The following ABCA1 variants were observed in gnomAD, a reference collection of about 807,000 sequenced individuals.
The protein encoded by ABCA1 is ATP binding cassette subfamily A member 1.
In ABCA1, 133 loss-of-function variants were observed where a neutral mutation model predicts 262.5. The observed-to-expected ratio is 0.51, with a 90% CI of 0.44 to 0.59. The LOEUF is 0.59. Ranked by LOEUF, ABCA1 falls within the 20% of genes least tolerant of loss-of-function variation. The pLI is 0.00. For synonymous variants in ABCA1, 1,022 were observed against 1,043.5 expected, an observed-to-expected ratio of 0.98 and a Z score of 0.40; for missense variants, 2,452 against 2,777.5, an observed-to-expected ratio of 0.88 and a Z score of 2.63.
chr9:104,895,905 C>T (rs1309016599), intron 2 of ABCA1, among the ~76,000 whole-genome samples: 1 of 152,110 alleles, frequency 6.6e-6, no homozygotes, highest in African/African-American at 2.4e-5. Context: ...AGAAAACTAG[C>T]AGAATAAAAT....
intron 47 of ABCA1, 76 bp downstream of exon 47, chr9:104,786,797 T>G: frequency 7.6e-7 from 1 of 1,324,362 alleles, no homozygotes; most frequent in Admixed American, 1.7e-5. Flanking sequence ...TTTTCTAATT[T>G]TTACAAAATG....
intron 1 of ABCA1, among the ~76,000 whole-genome samples, chr9:104,907,297 C>G (rs981011081): frequency 1.3e-5 from 2 of 152,188 alleles, no homozygotes; most frequent in Admixed American, 1.3e-4. Context: ...TCTTCAATGT[C>G]CTTTCCTGAT....
At chr9:104,877,375 A>G (rs1013163985) in intron 5 of ABCA1, among the ~76,000 whole-genome samples, 2 of 152,262 alleles carry the variant, frequency 1.3e-5, no homozygotes, top group African/African-American at 2.4e-5. Context: ...GCTGGGGCTT[A>G]GGATGGAACC....
intron 2 of ABCA1, chr9:104,889,496 A>G: frequency 1.9e-6 from 1 of 529,718 alleles, no homozygotes; most frequent in Non-Finnish European, 2.4e-6. Context: ...CTAAAATCTC[A>G]GCCTGAGCTA....
At chr9:104,792,736 T>C in intron 42 of ABCA1, 50 bp downstream of exon 42, 3 of 1,613,576 alleles carry the variant, frequency 1.9e-6, no homozygotes, top group Non-Finnish European at 2.5e-6. Context: ...TTACAGCACA[T>C]AAAGCTGAAA....
intron 44 of ABCA1, among the ~76,000 whole-genome samples, chr9:104,788,797 C>G (rs1206884469): frequency 1.3e-5 from 2 of 152,336 alleles, no homozygotes; most frequent in South Asian, 4.1e-4. Context: ...TCTCTGAACA[C>G]TTCAGTCTGC....
Position 104,814,193 on chromosome 9 carries a change from C to G in ABCA1, c.3826G>C (p.Gly1276Arg). ...GGGCGAAGACAGCTCTGCTTGTCCC[C>G]GAAGGCCCGCCTGTTTCGTCTTGCT... ...LPARRNRRAF[G>R]DKQSCLRPFT... Residue 1276 changes from glycine (G) to arginine (R), a missense_variant, in exon 27 of 50, where the codon GGG becomes CGG. Physicochemically the swap from Gly to Arg is moderately radical, Grantham distance 125. Transcript: ENST00000374736. 1 of 1,614,206 alleles carries G rather than the reference C, an allele frequency of 6.2e-7. No homozygotes were observed. The highest frequency in any genetic ancestry group is 8.5e-7 in the Non-Finnish European group (1 of 1,180,040).
At chr9:104,892,689 C>T (rs781574327) in intron 2 of ABCA1, among the ~76,000 whole-genome samples, 12 of 152,056 alleles carry the variant, frequency 7.9e-5, no homozygotes, top group African/African-American at 1.9e-4. Flanking sequence ...ATAATGAACA[C>T]GGAAATATAA....
At chr9:104,914,805 A>G (rs1276400520) in intron 1 of ABCA1, among the ~76,000 whole-genome samples, 2 of 152,206 alleles carry the variant, frequency 1.3e-5, no homozygotes, top group Non-Finnish European at 2.9e-5. Flanking sequence ...TTGTGTGACA[A>G]AATTTCCAGC....
chr9:104,899,451 T>C (rs1197699317), intron 2 of ABCA1, among the ~76,000 whole-genome samples: 1 of 152,124 alleles, frequency 6.6e-6, no homozygotes, highest in Non-Finnish European at 1.5e-5. Context: ...CCCAGCAGAT[T>C]GGAAGGCTGA....
chr9:104,857,163 G>A (rs1174269757), intron 7 of ABCA1, among the ~76,000 whole-genome samples: 1 of 152,098 alleles, frequency 6.6e-6, no homozygotes, highest in Non-Finnish European at 1.5e-5. Flanking sequence ...AAATAGCTGG[G>A]CGTGGTGGCA....
At chr9:104,829,174 A>G in intron 14 of ABCA1, 36 bp from the exon 15 acceptor site, 22 of 1,610,630 alleles carry the variant, frequency 1.4e-5, no homozygotes, top group Non-Finnish European at 1.9e-5. Context: ...GGAGAAAGAA[A>G]GACACACGTG....
At chr9:104,893,935 T>C (rs986513069) in intron 2 of ABCA1, among the ~76,000 whole-genome samples, 3 of 152,232 alleles carry the variant, frequency 2.0e-5, no homozygotes, top group Admixed American at 2.0e-4. Flanking sequence ...GCAGCTACTG[T>C]GTACTCAAGA....
chr9:104,912,990 C>A (rs1841592790), intron 1 of ABCA1, among the ~76,000 whole-genome samples: 1 of 152,172 alleles, frequency 6.6e-6, no homozygotes, highest in African/African-American at 2.4e-5. Context: ...ATGTTCCCTG[C>A]TGTTATAGGA....
At chr9:104,856,612 CTATGAG>C (rs1425216889) in intron 7 of ABCA1, among the ~76,000 whole-genome samples, 3 of 152,302 alleles carry the variant, frequency 2.0e-5, no homozygotes, top group African/African-American at 7.2e-5. Flanking sequence ...AGTCATTCTA[CTATGAG>C]TATAATTCAG....
At chr9:104,862,637 G>GCCCCCCCCCC (rs1554729290) in intron 5 of ABCA1, among the ~76,000 whole-genome samples, 1 of 1,716 alleles carries the variant, frequency 5.8e-4, no homozygotes, top group African/African-American at 2.5e-3. Flanking sequence ...AGACTGCCGG[G>GCCCCCCCCCC]CCGGGCCGGG....
intron 1 of ABCA1, among the ~76,000 whole-genome samples, chr9:104,912,803 T>C (rs1293137302): frequency 1.3e-5 from 2 of 148,690 alleles, no homozygotes; most frequent in Non-Finnish European, 3.0e-5. Flanking sequence ...AATCAACCTT[T>C]CAACATTCTA....
chr9:104,826,980 C>T lies in ABCA1; in HGVS notation c.2305G>A (p.Asp769Asn), dbSNP rs1832864154. 1.2e-6 allele frequency: 2 copies of T among 1,614,152 alleles called. No individual in the cohort carries two copies. The highest frequency in any genetic ancestry group is 1.7e-6 in the Non-Finnish European group (2 of 1,180,046). Residue 769 changes from aspartate to asparagine, a missense_variant, in exon 16 of 50, where the codon GAC becomes AAC. Around this residue, in one of 4 missense-constraint regions of ABCA1, gnomAD observed 1,032 missense variants for 1,089.7 expected, o/e 0.95. Transcript: ENST00000374736. ...LPYVLCVAWQ[D>N]YVGFTLKIFA... is the part of the protein sequence containing the mutation. The stretch of plus-strand genomic sequence containing the variant: ...ATCTTGAGTGTGAAGCCCACGTAGT[C>T]CTGCCATGCCACACACAGGACGTAG...
At chr9:104,927,232 G>C (rs552137467) in intron 1 of ABCA1, among the ~76,000 whole-genome samples, 2 of 150,146 alleles carry the variant, frequency 1.3e-5, no homozygotes, top group African/African-American at 4.9e-5. Flanking sequence ...AAAAAGAAAA[G>C]GAAACAAAAC....
Sources: gnomAD v4.1 joint callset for allele counts (sites outside exome capture counted in the v4.1 genomes callset) on GRCh38, gnomAD v4.1.1 for gene constraint, gnomAD v4.1.1 regional missense constraint, MANE v1.5 for transcripts, NCBI Gene and HGNC (gene_info 2026-07-23, HGNC 2026-07-21) for gene names.